Variants in MRE11 observed in about 807,000 individuals in gnomAD.
MRE11 encodes the protein MRE11 double strand break repair nuclease.
MRE11 carries 62 observed loss-of-function variants against 91.7 expected under a neutral mutation model. That is an observed-to-expected ratio of 0.68 (90% CI 0.55 to 0.84). The LOEUF is 0.84. MRE11 is among the 40% of genes least tolerant of loss of function. MRE11 has a pLI of 0.00. For missense variants in MRE11, 796 were observed against 852.9 expected, an observed-to-expected ratio of 0.93 and a Z score of 0.83; for synonymous variants, 273 against 271.4, an observed-to-expected ratio of 1.01 and a Z score of -0.06.
At chr11:94,502,576 G>C in the MRE11 span, among the ~76,000 whole-genome samples, 1 of 152,084 alleles carries the variant, frequency 6.6e-6, no homozygotes, top group African/African-American at 2.4e-5. Flanking sequence ...TTTGAATTTG[G>C]TTACTTGTAT....
intron 13 of MRE11, among the ~76,000 whole-genome samples, chr11:94,457,743 G>C (rs1331727081): frequency 6.6e-6 from 1 of 152,050 alleles, no homozygotes; most frequent in Non-Finnish European, 1.5e-5. Flanking sequence ...CTCAGATGAG[G>C]ATACTGAGGG....
intron 16 of MRE11, among the ~76,000 whole-genome samples, chr11:94,444,569 A>ACT (rs1206802326): frequency 6.6e-6 from 1 of 152,116 alleles, no homozygotes; most frequent in African/African-American, 2.4e-5. Flanking sequence ...CCTCTGCAAG[A>ACT]CTCATTAAAT....
At chr11:94,446,066 C>A (rs544229624) in intron 15 of MRE11, among the ~76,000 whole-genome samples, 173 bp from the exon 16 acceptor site, 1 of 152,278 alleles carries the variant, frequency 6.6e-6, no homozygotes, top group Non-Finnish European at 1.5e-5. Flanking sequence ...AGAGACTATT[C>A]TTTTAGGCCA....
the MRE11 span, among the ~76,000 whole-genome samples, chr11:94,505,367 G>A: frequency 4.6e-5 from 7 of 152,264 alleles, no homozygotes; most frequent in South Asian, 8.3e-4. Flanking sequence ...GGGGAAGACA[G>A]TGATCGTGAT....
chr11:94,498,431 A>G (rs1340826939), upstream of MRE11: 1 of 1,613,706 alleles, frequency 6.2e-7, no homozygotes, highest in African/African-American at 1.3e-5. Flanking sequence ...GCTGAAAAAC[A>G]ACTTGGAAGA....
At chr11:94,451,182 C>T (rs969291538) in intron 14 of MRE11, among the ~76,000 whole-genome samples, 3 of 150,624 alleles carry the variant, frequency 2.0e-5, no homozygotes, top group African/African-American at 7.3e-5. Flanking sequence ...GACCCTGTCT[C>T]GAAAAAAAGA....
chr11:94,441,464 T>C lies in MRE11; in HGVS notation c.1868-4229A>G, dbSNP rs569536473. On this transcript the variant is annotated intron_variant, in intron 16 of 19. Transcript: ENST00000323929. ...CAAATTATTCCTGTTGATAATTTTC[T>C]AGGGACAGTAAGTAACAAAGCATGG... 2.9e-4 allele frequency among the ~76,000 whole-genome samples: 44 copies of C among 152,282 alleles called. 1 individual carries two copies. In the South Asian group the frequency reaches 9.1e-3, roughly 32 times the overall value.
At chr11:94,492,659 A>C in intron 2 of MRE11, 123 bp downstream of exon 2, 2 of 1,427,412 alleles carry the variant, frequency 1.4e-6, no homozygotes, top group Non-Finnish European at 2.0e-6. Flanking sequence ...GATGACTAAT[A>C]TTTCTGTTCA....
At chr11:94,446,179 G>A (rs527410218) in intron 15 of MRE11, among the ~76,000 whole-genome samples, 5 of 152,260 alleles carry the variant, frequency 3.3e-5, no homozygotes, top group African/African-American at 4.8e-5. Context: ...AGACAGAGGC[G>A]GGAGGATCAC....
intron 14 of MRE11, among the ~76,000 whole-genome samples, chr11:94,450,856 A>C (rs1380060870): frequency 6.6e-6 from 1 of 152,222 alleles, no homozygotes; most frequent in African/African-American, 2.4e-5. Context: ...TTAAACAAAA[A>C]CACATTAGAA....
intron 11 of MRE11, among the ~76,000 whole-genome samples, chr11:94,462,030 A>G (rs1946433030): frequency 6.6e-6 from 1 of 152,128 alleles, no homozygotes; most frequent in Non-Finnish European, 1.5e-5. Flanking sequence ...AGCTGAGATC[A>G]CGCCACTGCA....
intron 4 of MRE11, among the ~76,000 whole-genome samples, chr11:94,484,653 A>C (rs1947092653): frequency 6.6e-6 from 1 of 152,168 alleles, no homozygotes; most frequent in Non-Finnish European, 1.5e-5. Flanking sequence ...ACCAGTGATA[A>C]ATCAGGTTGA....
At chr11:94,421,488 T>C (rs1945171678) in intron 19 of MRE11, among the ~76,000 whole-genome samples, 1 of 152,254 alleles carries the variant, frequency 6.6e-6, no homozygotes, top group Non-Finnish European at 1.5e-5. Flanking sequence ...TAGTTTGTCT[T>C]TGCAGTTAAC....
At chr11:94,445,646 C>G in intron 16 of MRE11, 164 bp downstream of exon 16, 2 of 632,694 alleles carry the variant, frequency 3.2e-6, no homozygotes, top group Non-Finnish European at 5.7e-6. Flanking sequence ...TCTTCAGTAA[C>G]TCTAATGCAT....
the MRE11 span, among the ~76,000 whole-genome samples, chr11:94,506,758 T>C: frequency 0.023 from 3,555 of 152,076 alleles, 90 homozygotes; most frequent in African/African-American, 0.058. Context: ...GAGCTAATTT[T>C]TTAATTTTTC....
intron 8 of MRE11, 148 bp from the exon 9 acceptor site, chr11:94,470,790 T>A: frequency 1.1e-6 from 1 of 883,820 alleles, no homozygotes; most frequent in Non-Finnish European, 1.8e-6. Context: ...AATTTAACCT[T>A]AATGTTATCA....
chr11:94,489,150 T>G (rs1272966631), intron 3 of MRE11, among the ~76,000 whole-genome samples: 3 of 151,872 alleles, frequency 2.0e-5, no homozygotes, highest in Non-Finnish European at 2.9e-5. Flanking sequence ...ATTAAAAATA[T>G]GCTATGAAAA....
the MRE11 span, among the ~76,000 whole-genome samples, chr11:94,503,695 CAAA>C: frequency 8.0e-6 from 1 of 124,696 alleles, no homozygotes. Context: ...GACTCCGTGT[CAAA>C]AAAAAAAAAA....
At position 94,470,476 on chromosome 11, in the gene MRE11, C is replaced by T; in HGVS notation, c.1012G>A (p.Glu338Lys). 2.5e-6 allele frequency: 4 copies of T among 1,612,632 alleles called. No individual in the cohort carries two copies. The highest frequency in any genetic ancestry group is 3.4e-6 in the Non-Finnish European group (4 of 1,179,006). The change falls in exon 9 of 20, where the codon GAG becomes AAG. Residue 338 changes from glutamate to lysine, a missense_variant. By Grantham distance (56) the Glu-to-Lys change is moderately conservative. Coordinates refer to ENST00000323929, the MANE Select transcript of MRE11 (RefSeq NM_005591.4). Reference sequence around the variant, plus strand: ...ACTTTATCAAAAAGAATTACCTTCTCCAAACAGAAGCTTTGTATGGCTTGG... The same window carrying T: ...ACTTTATCAAAAAGAATTACCTTCTTCAAACAGAAGCTTTGTATGGCTTGG... ...VTQAIQSFCL[E>K]KIEEMLENAE...
Sources: gnomAD v4.1 joint callset for allele counts (sites outside exome capture counted in the v4.1 genomes callset) on GRCh38, gnomAD v4.1.1 for gene constraint, MANE v1.5 for transcripts, NCBI Gene and HGNC (gene_info 2026-07-23, HGNC 2026-07-21) for gene names.